KCNMB2: variants seen among roughly 807,000 people sequenced by gnomAD.
KCNMB2 encodes calcium-activated potassium channel subunit beta-2.
Under a neutral mutation model 24.5 loss-of-function variants are expected in KCNMB2, and 9 were observed. The ratio of observed to expected loss-of-function variants is 0.37; its 90% CI spans 0.22 to 0.64. The LOEUF is 0.64. KCNMB2 is among the 30% of genes least tolerant of loss of function. The probability of loss-of-function intolerance (pLI) is 0.63; values close to 1 mark genes in which losing one functional copy is unlikely to be tolerated. For synonymous variants in KCNMB2, 109 were observed against 104.4 expected (o/e 1.04, Z -0.27); for missense variants, 226 against 284.3 (o/e 0.79, Z 1.47).
chr3:178,768,383 G>A (rs910616717), intron 1 of KCNMB2, among the ~76,000 whole-genome samples: 14 of 151,808 alleles, frequency 9.2e-5, no homozygotes, highest in East Asian at 3.9e-4. Flanking sequence ...AAATTGCAGC[G>A]CCCTCAAGTA....
chr3:178,628,007 C>A (rs775672936), intron 1 of KCNMB2, among the ~76,000 whole-genome samples: 6 of 152,156 alleles, frequency 3.9e-5, no homozygotes, highest in South Asian at 4.1e-4. Context: ...GCAAACTAAC[C>A]ACTTAGCCCA....
intron 3 of KCNMB2, among the ~76,000 whole-genome samples, chr3:178,827,805 G>A (rs1425884681): frequency 1.3e-5 from 2 of 152,164 alleles, no homozygotes; most frequent in East Asian, 3.9e-4. Context: ...ACATACAGAG[G>A]TAGGGGCTGG....
rs144994799 is a variant in KCNMB2 at position 178,730,338 on chromosome 3, T to C, written c.-67-77005T>C. 7.5e-4 allele frequency among the ~76,000 whole-genome samples: 114 copies of C among 152,180 alleles called. 1 individual carries two copies. Among genetic ancestry groups the C allele is most frequent in the African/African-American group, 2.6e-3 (109 of 41,510 alleles). ...CTTGCATGTATAAAGTCAGAAGGTA[T>C]CTGCATGTTTTAATTTTTCAAATTT... On this transcript the variant is annotated intron_variant, in intron 1 of 4. Coordinates refer to ENST00000452583, the MANE Select transcript of KCNMB2 (RefSeq NM_181361.3).
intron 1 of KCNMB2, among the ~76,000 whole-genome samples, chr3:178,538,987 C>T (rs932888022): frequency 6.6e-5 from 10 of 151,970 alleles, no homozygotes; most frequent in African/African-American, 2.4e-4. Flanking sequence ...GTCTGCAGTC[C>T]CCCTTGATAT....
At chr3:178,676,334 GCAGA>G (rs1721069608) in intron 1 of KCNMB2, among the ~76,000 whole-genome samples, 2 of 152,150 alleles carry the variant, frequency 1.3e-5, no homozygotes, top group African/African-American at 2.4e-5. Flanking sequence ...CTAATCCTTG[GCAGA>G]CAGAGAGGTG....
At chr3:178,641,788 G>A (rs904191584) in intron 1 of KCNMB2, among the ~76,000 whole-genome samples, 3 of 152,024 alleles carry the variant, frequency 2.0e-5, no homozygotes, top group African/African-American at 7.2e-5. Flanking sequence ...GCCAATTCTA[G>A]GATTTCTGTA....
At chr3:178,794,029 G>A (rs1198421578) in intron 1 of KCNMB2, among the ~76,000 whole-genome samples, 1 of 152,140 alleles carries the variant, frequency 6.6e-6, no homozygotes, top group Admixed American at 6.5e-5. Flanking sequence ...GGTCTTCACA[G>A]GCTGGACAGT....
chr3:178,588,889 G>T (rs1032281737), intron 1 of KCNMB2, among the ~76,000 whole-genome samples: 2 of 152,256 alleles, frequency 1.3e-5, no homozygotes, highest in Middle Eastern at 3.4e-3. Context: ...ATGAGATAAT[G>T]GATATGAAAC....
chr3:178,789,310 T>C lies in KCNMB2; in HGVS notation c.-67-18033T>C, dbSNP rs145199632. Reference sequence around the variant, plus strand: ...ATTGCCAGTCAGAGGAGTCCATACATGGTTGCCCCAGCAACTGAAAAGCAG... The same window carrying C: ...ATTGCCAGTCAGAGGAGTCCATACACGGTTGCCCCAGCAACTGAAAAGCAG... On this transcript the variant is annotated intron_variant, in intron 1 of 4. Coordinates refer to ENST00000452583, the MANE Select transcript of KCNMB2 (RefSeq NM_181361.3). Among the ~76,000 whole-genome samples, 25 of 152,276 alleles carry C rather than the reference T, an allele frequency of 1.6e-4. No individual in the cohort carries two copies. In the East Asian group the frequency reaches 4.4e-3, roughly 27 times the overall value.
intron 1 of KCNMB2, among the ~76,000 whole-genome samples, chr3:178,728,639 G>A (rs1001393111): frequency 1.3e-5 from 2 of 152,086 alleles, no homozygotes; most frequent in Admixed American, 6.6e-5. Flanking sequence ...GTCTAGGGGG[G>A]TCCCACTCTC....
At chr3:178,539,173 CA>C (rs1301309319) in intron 1 of KCNMB2, among the ~76,000 whole-genome samples, 1 of 152,122 alleles carries the variant, frequency 6.6e-6, no homozygotes, top group Non-Finnish European at 1.5e-5. Flanking sequence ...AGATATTTCT[CA>C]AACTAACACA....
At chr3:178,827,561 G>A (rs987258388) in intron 3 of KCNMB2, among the ~76,000 whole-genome samples, 4 of 152,162 alleles carry the variant, frequency 2.6e-5, no homozygotes, top group Non-Finnish European at 5.9e-5. Flanking sequence ...TACCAATTAG[G>A]GTGAAAGGAA....
intron 1 of KCNMB2, among the ~76,000 whole-genome samples, chr3:178,558,009 C>T (rs73052495): frequency 1.5e-3 from 232 of 152,200 alleles, no homozygotes; most frequent in African/African-American, 5.3e-3. Flanking sequence ...GGCTGTCGTT[C>T]TTTTGGGAGG....
At chr3:178,615,619 TA>T in intron 1 of KCNMB2, among the ~76,000 whole-genome samples, 1 of 152,168 alleles carries the variant, frequency 6.6e-6, no homozygotes, top group East Asian at 1.9e-4. Flanking sequence ...CAAGGGCTCT[TA>T]AGTCAGCTTG....
At chr3:178,556,389 C>T (rs1716124287) in intron 1 of KCNMB2, among the ~76,000 whole-genome samples, 2 of 152,112 alleles carry the variant, frequency 1.3e-5, no homozygotes, top group Admixed American at 6.5e-5. Flanking sequence ...ACTCATAGAA[C>T]ACATAGTTGG....
At chr3:178,784,311 A>T (rs1713007132) in intron 1 of KCNMB2, among the ~76,000 whole-genome samples, 1 of 152,176 alleles carries the variant, frequency 6.6e-6, no homozygotes, top group Non-Finnish European at 1.5e-5. Context: ...TTCAGAGGTT[A>T]ACTAGCTTAC....
intron 1 of KCNMB2, among the ~76,000 whole-genome samples, chr3:178,670,280 T>C (rs948358536): frequency 2.0e-5 from 3 of 152,060 alleles, no homozygotes; most frequent in Admixed American, 1.3e-4. Flanking sequence ...CTGTGCACTG[T>C]AGGACATCTA....
At chr3:178,755,503 C>A (rs554576811) in intron 1 of KCNMB2, among the ~76,000 whole-genome samples, 2 of 152,048 alleles carry the variant, frequency 1.3e-5, no homozygotes, top group Admixed American at 1.3e-4. Flanking sequence ...TACTTTTAAC[C>A]TCTGTGGGAC....
chr3:178,565,002 T>A (rs1716467983), intron 1 of KCNMB2, among the ~76,000 whole-genome samples: 1 of 152,110 alleles, frequency 6.6e-6, no homozygotes, highest in African/African-American at 2.4e-5. Context: ...TGAAATTAAA[T>A]TCATTCGGAA....
Sources: allele counts gnomAD v4.1 joint callset (sites outside exome capture counted in the v4.1 genomes callset), GRCh38; gene constraint gnomAD v4.1.1; transcripts MANE v1.5; gene names NCBI Gene and HGNC (gene_info 2026-07-23, HGNC 2026-07-21).